Variants in PRKN observed in about 807,000 individuals in gnomAD.
The protein encoded by PRKN is parkin RBR E3 ubiquitin protein ligase.
PRKN carries 56 observed loss-of-function variants against 59.5 expected under a neutral mutation model. That is an observed-to-expected ratio of 0.94 (90% CI 0.76 to 1.18). The LOEUF (loss-of-function observed/expected upper bound fraction) is 1.18. Among genes scored for constraint, PRKN ranks in the 50% most tolerant of loss-of-function variants. PRKN has a pLI of 0.00. For synonymous variants in PRKN, 250 were observed against 222.1 expected, an observed-to-expected ratio of 1.13 and a Z score of -1.12; for missense variants, 657 against 596.4, an observed-to-expected ratio of 1.10 and a Z score of -1.06.
In PRKN at chr6:162,124,002, G is replaced by A. The variant is rs535797682; in HGVS notation, c.535-69828C>T. On this transcript the variant is annotated intron_variant, in intron 4 of 11. Transcript: ENST00000366898. Reference sequence around the variant, plus strand: ...TCCTGTTGAGTTGATTGCCCTGTAAGTATCACTCTGGCAGCAGCACACAAC... The same window carrying A: ...TCCTGTTGAGTTGATTGCCCTGTAAATATCACTCTGGCAGCAGCACACAAC... Among the ~76,000 whole-genome samples, 8 of 152,236 alleles carry A rather than the reference G, an allele frequency of 5.3e-5. No individual in the cohort carries two copies. The South Asian group carries it at 1.2e-3, about 24-fold the overall frequency.
intron 5 of PRKN, among the ~76,000 whole-genome samples, chr6:162,046,323 T>C (rs1313186307): frequency 6.6e-6 from 1 of 152,242 alleles, no homozygotes; most frequent in Non-Finnish European, 1.5e-5. Flanking sequence ...TGTAGTAATA[T>C]GCATGATTTT....
In PRKN at chr6:161,386,091, A is replaced by G. The variant is rs977136302; in HGVS notation, c.1167+703T>C. ...CTAGGTTCCTATCAGTACAATGACT[A>G]AAGGATTTATTTGCAAAGATTTGGT... On this transcript the variant is annotated intron_variant, in intron 10 of 11. Coordinates refer to ENST00000366898, the MANE Select transcript of PRKN (RefSeq NM_004562.3). The surrounding 1 kb of genome is among the most constrained non-coding windows in gnomAD (Gnocchi z 4.3). Among the ~76,000 whole-genome samples the G allele has an allele frequency of 6.6e-5, 10 of 152,218 alleles. No homozygotes were observed. The highest frequency in any genetic ancestry group is 2.2e-4 in the African/African-American group (9 of 41,458).
intron 6 of PRKN, among the ~76,000 whole-genome samples, chr6:161,842,153 A>C (rs60033094): frequency 1.5e-4 from 23 of 152,088 alleles, no homozygotes; most frequent in African/African-American, 5.3e-4. Flanking sequence ...TTCAAATATG[A>C]GAACATAAAG....
chr6:161,606,874 T>G (rs1371496260), intron 7 of PRKN, among the ~76,000 whole-genome samples: 1 of 152,204 alleles, frequency 6.6e-6, no homozygotes, highest in Non-Finnish European at 1.5e-5. Flanking sequence ...CTTTCCCTGC[T>G]TCCCCAGGCT....
intron 1 of PRKN, among the ~76,000 whole-genome samples, chr6:162,513,857 C>A (rs1011500923): frequency 5.9e-5 from 9 of 151,906 alleles, no homozygotes; most frequent in Admixed American, 1.3e-4. Flanking sequence ...AGCTCGAGAC[C>A]AGCCTGGCTA....
chr6:162,199,176 A>T (rs774113081), intron 4 of PRKN, among the ~76,000 whole-genome samples: 2 of 151,986 alleles, frequency 1.3e-5, no homozygotes, highest in Non-Finnish European at 2.9e-5. Flanking sequence ...CACTGTGGAC[A>T]TATGAGTATG....
intron 6 of PRKN, among the ~76,000 whole-genome samples, chr6:161,810,909 G>C (rs1328081457): frequency 1.3e-5 from 2 of 152,142 alleles, no homozygotes; most frequent in African/African-American, 2.4e-5. Flanking sequence ...CCCAGAGGAG[G>C]AAAGTCTTTT....
At chr6:161,797,706 A>C (rs1471685572) in intron 6 of PRKN, among the ~76,000 whole-genome samples, 1 of 152,250 alleles carries the variant, frequency 6.6e-6, no homozygotes, top group Non-Finnish European at 1.5e-5. Flanking sequence ...ATGAGAAGGT[A>C]CTGTGAAATT....
At chr6:162,485,781 G>A (rs1375853277) in intron 1 of PRKN, among the ~76,000 whole-genome samples, 3 of 152,176 alleles carry the variant, frequency 2.0e-5, no homozygotes, top group Admixed American at 6.5e-5. Flanking sequence ...GGAGTGCACA[G>A]ACACAGGTGA....
At chr6:162,723,834 C>T (rs1584120761) in intron 1 of PRKN, among the ~76,000 whole-genome samples, 1 of 152,130 alleles carries the variant, frequency 6.6e-6, no homozygotes, top group African/African-American at 2.4e-5. Context: ...TTAGTGTATC[C>T]TATAAAAGAC....
chr6:162,232,880 T>C (rs1778482543), intron 3 of PRKN, among the ~76,000 whole-genome samples: 1 of 152,178 alleles, frequency 6.6e-6, no homozygotes, highest in Non-Finnish European at 1.5e-5. Flanking sequence ...GATTGGAGAA[T>C]TTCTGATGCA....
At chr6:161,967,978 G>T (rs1455008053) in intron 6 of PRKN, among the ~76,000 whole-genome samples, 3 of 152,084 alleles carry the variant, frequency 2.0e-5, no homozygotes, top group African/African-American at 7.2e-5. Flanking sequence ...CCTTTATTCT[G>T]TACCTGGGAA....
chr6:161,522,743 G>A (rs1003161206), intron 9 of PRKN, among the ~76,000 whole-genome samples: 1 of 152,234 alleles, frequency 6.6e-6, no homozygotes, highest in Non-Finnish European at 1.5e-5. Context: ...TGTCCTATCT[G>A]TGAACATCAG....
chr6:162,727,654 C>T lies in PRKN; in HGVS notation c.7+8G>A. The stretch of plus-strand genomic sequence containing the variant: ...CAGAGAGGCTGTACCTGGCAGGTAC[C>T]CACGTACCTATCATGGTCACTGGGT... On this transcript the variant is annotated splice_region_variant and intron_variant, in intron 1 of 11. Transcript: ENST00000366898. 2 of 1,585,290 alleles carry T rather than the reference C, an allele frequency of 1.3e-6. No homozygotes were observed. Among genetic ancestry groups the T allele is most frequent in the Non-Finnish European group, 8.6e-7 (1 of 1,166,488 alleles).
chr6:162,042,795 A>C (rs1784115199), intron 5 of PRKN, among the ~76,000 whole-genome samples: 1 of 152,200 alleles, frequency 6.6e-6, no homozygotes, highest in Non-Finnish European at 1.5e-5. Context: ...AAAATTACTT[A>C]ATGGCACTTA....
At chr6:162,292,134 T>A (rs1781460705) in intron 2 of PRKN, among the ~76,000 whole-genome samples, 1 of 151,922 alleles carries the variant, frequency 6.6e-6, no homozygotes, top group South Asian at 2.1e-4. Flanking sequence ...TGGCTAATTT[T>A]TGCAATTTTA....
At chr6:161,966,760 C>CA (rs1289044213) in intron 6 of PRKN, among the ~76,000 whole-genome samples, 4 of 152,182 alleles carry the variant, frequency 2.6e-5, no homozygotes, top group Non-Finnish European at 5.9e-5. Flanking sequence ...TGCAGCTTCA[C>CA]AAAAAACCTC....
At chr6:162,406,833 A>G (rs1788099532) in intron 2 of PRKN, among the ~76,000 whole-genome samples, 1 of 152,078 alleles carries the variant, frequency 6.6e-6, no homozygotes, top group East Asian at 1.9e-4. Context: ...CAGAATACAG[A>G]TAACATCCTC....
At chr6:162,621,506 A>C (rs1583924697) in intron 1 of PRKN, among the ~76,000 whole-genome samples, 1 of 152,216 alleles carries the variant, frequency 6.6e-6, no homozygotes, top group East Asian at 1.9e-4. Flanking sequence ...TTCAGGTGGA[A>C]ACAGCCACAC....
Sources: allele counts gnomAD v4.1 joint callset (sites outside exome capture counted in the v4.1 genomes callset), GRCh38; gene constraint gnomAD v4.1.1; non-coding constraint Gnocchi (gnomAD v3.1); transcripts MANE v1.5; gene names NCBI Gene and HGNC (gene_info 2026-07-23, HGNC 2026-07-21).